Variants in ADAMTSL2 observed in about 807,000 individuals in gnomAD.
ADAMTSL2 encodes ADAMTS like 2.
A neutral mutation model predicts 117.0 loss-of-function variants in ADAMTSL2; 55 were observed. The ratio of observed to expected loss-of-function variants is 0.47; its 90% confidence interval spans 0.38 to 0.59. The LOEUF is 0.59. Ranked by LOEUF, ADAMTSL2 falls within the 20% of genes least tolerant of loss-of-function variation. The probability of loss-of-function intolerance (pLI) is 0.00; values close to 1 mark genes in which losing one functional copy is unlikely to be tolerated. For synonymous variants in ADAMTSL2, 572 were observed against 566.4 expected (o/e 1.01, Z -0.14); for missense variants, 1,182 against 1,354.5 (o/e 0.87, Z 2.00).
intron 12 of ADAMTSL2, 32 bp downstream of exon 12, chr9:133,561,327 T>G (rs2131154040): frequency 1.9e-6 from 3 of 1,544,854 alleles, no homozygotes; most frequent in East Asian, 4.7e-5. Flanking sequence ...GGGCAGCAAC[T>G]GCCCTGAACC....
chr9:133,534,969 C>A, intron 1 of ADAMTSL2, 52 bp downstream of exon 1: 2 of 1,351,458 alleles, frequency 1.5e-6, no homozygotes, highest in Non-Finnish European at 1.9e-6. Context: ...ACCAGGCCAG[C>A]CCACTGCTCA....
In ADAMTSL2 at chr9:133,557,529, G is replaced by A. The variant is rs1830629917; in HGVS notation, c.1649+1599G>A. Among the ~76,000 whole-genome samples the A allele has an allele frequency of 6.6e-6, 1 of 152,180 alleles. No individual in the cohort carries two copies. Among genetic ancestry groups the A allele is most frequent in the Non-Finnish European group, 1.5e-5 (1 of 68,024 alleles). ...GGCCGGGCCTTGCTTTGGGTATAGTGTCTGAGTCTGAGAGGGGGTCCTGGG... is the reference window on the plus strand; with the variant it reads ...GGCCGGGCCTTGCTTTGGGTATAGTATCTGAGTCTGAGAGGGGGTCCTGGG... On this transcript the variant is annotated intron_variant, in intron 11 of 18. Transcript: ENST00000651351. This position sits in a 1 kb window ranked among gnomAD's most constrained non-coding sequence, Gnocchi z 5.2.
At chr9:133,540,219 G>T (rs963437467) in intron 5 of ADAMTSL2, among the ~76,000 whole-genome samples, 2 of 152,228 alleles carry the variant, frequency 1.3e-5, no homozygotes, top group Non-Finnish European at 2.9e-5. Flanking sequence ...CCCATGGAAA[G>T]CAAGTAGCTC....
Position 133,554,744 on chromosome 9 carries a change from G to A in ADAMTSL2, c.1276+51G>A. On this transcript the variant is annotated intron_variant, in intron 10 of 18. Coordinates refer to ENST00000651351, the MANE Select transcript of ADAMTSL2 (RefSeq NM_014694.4). The surrounding 1 kb of genome is among the most constrained non-coding windows in gnomAD (Gnocchi z 5.2). ...GGTGGGGCCCGGGAGGCAGCCCAGG[G>A]AAGGGGGCCTTGGGGAAGGGGTCTC... is the stretch of plus-strand genomic sequence containing the variant. The A allele has an allele frequency of 7.0e-7, 1 of 1,422,788 alleles. No homozygotes were observed. 88.1% of individuals were successfully genotyped at this position (1,422,788 alleles called of 1,614,324 possible).
intron 1 of ADAMTSL2, 118 bp from the exon 2 acceptor site, chr9:133,536,445 C>T (rs1347599392): frequency 4.3e-6 from 6 of 1,397,974 alleles, no homozygotes; most frequent in Non-Finnish European, 5.7e-6. Flanking sequence ...AAGGGTGGCA[C>T]AGGCTTAGCA....
chr9:133,534,666 C>T, upstream of ADAMTSL2: 1 of 1,336,544 alleles, frequency 7.5e-7, no homozygotes, highest in South Asian at 1.9e-5. Flanking sequence ...CCCCGTCTGC[C>T]TGACAGCTAT....
intron 10 of ADAMTSL2, among the ~76,000 whole-genome samples, 176 bp from the exon 11 acceptor site, chr9:133,555,382 C>G (rs1432756803): frequency 6.6e-6 from 1 of 152,144 alleles, no homozygotes; most frequent in Non-Finnish European, 1.5e-5. Context: ...CCAGGCAGGT[C>G]TCATGCCTCC....
rs11507719 is a variant in ADAMTSL2 at position 133,546,919 on chromosome 9, C to T, written c.764-119C>T. ...TCTCCATGATGGGAGTTTCCTGTCT[C>T]GGGAGCATTTGAGCCGGGGTTCTGG... On this transcript the variant is annotated intron_variant, in intron 8 of 18. Coordinates refer to ENST00000651351, the MANE Select transcript of ADAMTSL2 (RefSeq NM_014694.4). The T allele has an allele frequency of 0.48, 497,221 of 1,036,684 alleles. 126,228 individuals carry two copies. Among genetic ancestry groups the T allele is most frequent in the Non-Finnish European group, 0.53 (352,009 of 660,364 alleles). 64.2% of individuals were successfully genotyped at this position (1,036,684 alleles called of 1,614,324 possible).
intron 12 of ADAMTSL2, among the ~76,000 whole-genome samples, chr9:133,565,936 C>G (rs1368455146): frequency 6.6e-6 from 1 of 152,200 alleles, no homozygotes; most frequent in Non-Finnish European, 1.5e-5. Context: ...GCTGCCGGCT[C>G]TCCCAGAATC....
At chr9:133,569,958 C>T (rs1831066362) in intron 16 of ADAMTSL2, among the ~76,000 whole-genome samples, 2 of 152,354 alleles carry the variant, frequency 1.3e-5, no homozygotes, top group South Asian at 4.1e-4. Context: ...GTCATCGTCA[C>T]CAACTTGCCA....
chr9:133,573,780 C>T (rs2131192034), intron 17 of ADAMTSL2, 63 bp from the exon 18 acceptor site: 1 of 1,603,626 alleles, frequency 6.2e-7, no homozygotes, highest in Non-Finnish European at 8.5e-7. Flanking sequence ...GTTCCCCGCC[C>T]CCTGCCCAGG....
rs750194349 is a variant in ADAMTSL2 at position 133,547,017 on chromosome 9, CCGGCGG to C, written c.764-19_764-14del. On this transcript the variant is annotated splice_polypyrimidine_tract_variant and intron_variant, in intron 8 of 18. Coordinates refer to ENST00000651351, the MANE Select transcript of ADAMTSL2 (RefSeq NM_014694.4). Reference sequence around the variant, plus strand: ...CCCCAGCCAGTTTGGCCTTTTGTGACCGGCGGCTTTGCCCTTCCAGCTCTTGCAGAC... The same window carrying C: ...CCCCAGCCAGTTTGGCCTTTTGTGACCTTTGCCCTTCCAGCTCTTGCAGAC... 1.4e-5 allele frequency: 23 copies of C among 1,613,704 alleles called. No individual in the cohort carries two copies. In the East Asian group the frequency reaches 5.1e-4, roughly 36 times the overall value.
chr9:133,539,726 C>T lies in ADAMTSL2; in HGVS notation c.310-45C>T, dbSNP rs773500160. ...TTAGCCTGGACAAAAATGCCTTTGTCGGGCCGAGTTCCTCCCGGAGCCTCC... is the reference window on the plus strand; with the variant it reads ...TTAGCCTGGACAAAAATGCCTTTGTTGGGCCGAGTTCCTCCCGGAGCCTCC... On this transcript the variant is annotated intron_variant, in intron 4 of 18. Coordinates refer to ENST00000651351, the MANE Select transcript of ADAMTSL2 (RefSeq NM_014694.4). 113 of 1,395,620 alleles carry T rather than the reference C, an allele frequency of 8.1e-5. No individual in the cohort carries two copies. The East Asian group carries it at 8.7e-4, about 11-fold the overall frequency. The allele number at this position is 1,395,620 out of a possible 1,614,324, so 86.5% of individuals were successfully genotyped here.
intron 7 of ADAMTSL2, 107 bp from the exon 8 acceptor site, chr9:133,544,363 C>A: frequency 1.0e-6 from 1 of 959,916 alleles, no homozygotes; most frequent in South Asian, 1.3e-5. Context: ...GTTGGGCCAG[C>A]CCTTAGACAG....
intron 7 of ADAMTSL2, among the ~76,000 whole-genome samples, chr9:133,542,450 T>TAG (rs1191539784): frequency 2.6e-5 from 4 of 152,148 alleles, no homozygotes; most frequent in Admixed American, 2.6e-4. Context: ...ACGTGTCTTG[T>TAG]AGGGCACGTA....
chr9:133,563,818 G>GGAGAGAGAGAGAGAGAGAGAGA (rs1359493983), intron 12 of ADAMTSL2, among the ~76,000 whole-genome samples: 1 of 33,490 alleles, frequency 3.0e-5, no homozygotes. Flanking sequence ...AGAGAAAGGG[G>GGAGAGAGAGAGAGAGAGAGAGA]GAGAGAGAGA....
chr9:133,544,664 C>G (rs893033708), intron 8 of ADAMTSL2, 114 bp downstream of exon 8: 2 of 942,560 alleles, frequency 2.1e-6, no homozygotes, highest in African/African-American at 3.2e-5. Flanking sequence ...AGGGATGGAC[C>G]AGTGCTGTGG....
Position 133,536,544 on chromosome 9 carries a change from G to A in ADAMTSL2, c.-150-19G>A, listed in dbSNP as rs779104663. The stretch of plus-strand genomic sequence containing the variant: ...TTGCTAAGCCTAGACTGAGGCGGGG[G>A]GTTCATCCTTCCCAACAGGGTCTGC... On this transcript the variant is annotated intron_variant, in intron 1 of 18. Transcript: ENST00000651351. The A allele has an allele frequency of 1.1e-4, 177 of 1,546,006 alleles. No homozygotes were observed. The highest frequency in any genetic ancestry group is 1.4e-4 in the Non-Finnish European group (162 of 1,141,836).
chr9:133,567,396 A>C (rs1357531910), intron 13 of ADAMTSL2, among the ~76,000 whole-genome samples: 2 of 152,240 alleles, frequency 1.3e-5, no homozygotes, highest in African/African-American at 4.8e-5. Context: ...TATAAACTCA[A>C]GGGATTATTC....
Sources: gnomAD v4.1 joint callset for allele counts (sites outside exome capture counted in the v4.1 genomes callset) on GRCh38, gnomAD v4.1.1 for gene constraint, Gnocchi (gnomAD v3.1) non-coding constraint, MANE v1.5 for transcripts, NCBI Gene and HGNC (gene_info 2026-07-23, HGNC 2026-07-21) for gene names.